SGIP1: variants seen among roughly 807,000 people sequenced by gnomAD.
The protein encoded by SGIP1 is SH3GL interacting endocytic adaptor 1.
SGIP1 carries 38 observed loss-of-function variants against 107.5 expected under a neutral mutation model. The ratio of observed to expected loss-of-function variants is 0.35; its 90% CI spans 0.27 to 0.46. The LOEUF (loss-of-function observed/expected upper bound fraction) is 0.46, where lower values mean the gene tolerates loss of function less well. Ranked by LOEUF, SGIP1 falls within the 20% of genes least tolerant of loss-of-function variation. The pLI, the probability that SGIP1 is intolerant of heterozygous loss-of-function variation, is 1.00. For synonymous variants in SGIP1, 365 were observed against 366.1 expected (o/e 1.00, Z 0.03); for missense variants, 929 against 1,019.5 (o/e 0.91, Z 1.21).
At chr1:66,677,398 C>A (rs772598751) in intron 13 of SGIP1, among the ~76,000 whole-genome samples, 1 of 152,162 alleles carries the variant, frequency 6.6e-6, no homozygotes, top group Admixed American at 6.5e-5. Flanking sequence ...AGCAAGGGAG[C>A]TAAAGAAACT....
chr1:66,724,445 T>C (rs1199273395), intron 19 of SGIP1, among the ~76,000 whole-genome samples: 1 of 152,184 alleles, frequency 6.6e-6, no homozygotes. Context: ...ATTAAATTTT[T>C]ATATAGAAAA....
intron 18 of SGIP1, among the ~76,000 whole-genome samples, chr1:66,717,604 G>C (rs534049598): frequency 6.6e-6 from 1 of 152,064 alleles, no homozygotes; most frequent in Non-Finnish European, 1.5e-5. Flanking sequence ...CACTGTAATT[G>C]CCCACTTGGT....
chr1:66,742,962 T>C, intron 24 of SGIP1, 111 bp from the exon 25 acceptor site: 1 of 1,020,178 alleles, frequency 9.8e-7, no homozygotes, highest in Non-Finnish European at 1.5e-6. Flanking sequence ...CTCTGAAGTA[T>C]GCAGTATCTG....
intron 15 of SGIP1, 79 bp from the exon 16 acceptor site, chr1:66,689,069 C>A: frequency 1.4e-6 from 2 of 1,408,098 alleles, no homozygotes; most frequent in South Asian, 1.6e-5. Context: ...AAAAAATGTC[C>A]GGGACTGGCA....
intron 1 of SGIP1, among the ~76,000 whole-genome samples, chr1:66,613,609 C>T (rs189205763): frequency 4.6e-5 from 7 of 152,300 alleles, no homozygotes; most frequent in Admixed American, 1.3e-4. Flanking sequence ...GGATTACAGG[C>T]GTGAGCCACC....
At chr1:66,709,757 A>G (rs571079158) in intron 18 of SGIP1, among the ~76,000 whole-genome samples, 1 of 152,246 alleles carries the variant, frequency 6.6e-6, no homozygotes, top group African/African-American at 2.4e-5. Flanking sequence ...TAAAATGGGG[A>G]TAACAATACA....
chr1:66,545,722 C>T (rs2056238661), intron 1 of SGIP1, among the ~76,000 whole-genome samples: 1 of 151,336 alleles, frequency 6.6e-6, no homozygotes, highest in Non-Finnish European at 1.5e-5. Context: ...AATTGGCTCA[C>T]ATGATTGTGG....
chr1:66,745,536 G>A lies in SGIP1; in HGVS notation c.*2441G>A, dbSNP rs2094540894. 1 of 151,982 alleles carries A rather than the reference G, an allele frequency of 6.6e-6. No individual in the cohort carries two copies. Among genetic ancestry groups the A allele is most frequent in the African/African-American group, 2.4e-5 (1 of 41,414 alleles). The allele number at this position is 151,982 out of a possible 1,614,324, so 9.4% of individuals were successfully genotyped here. On this transcript the variant is annotated 3_prime_UTR_variant, in exon 25 of 25. Transcript: ENST00000371037. ...ACAGTACTGTAGAATAAGAATTCAT[G>A]TCCTGAAAATGGTCCCAGGCAATGA... is the stretch of plus-strand genomic sequence containing the variant.
intron 1 of SGIP1, among the ~76,000 whole-genome samples, chr1:66,614,976 C>T (rs1021836554): frequency 2.0e-5 from 3 of 151,306 alleles, no homozygotes; most frequent in East Asian, 3.9e-4. Flanking sequence ...TGTGCCACCA[C>T]GCCCGGCTAA....
intron 3 of SGIP1, among the ~76,000 whole-genome samples, chr1:66,633,637 T>G (rs1252336559): frequency 2.0e-5 from 3 of 152,220 alleles, no homozygotes; most frequent in African/African-American, 7.2e-5. Context: ...CAGTTAACTC[T>G]GACTCCTTGC....
At chr1:66,690,108 G>T in intron 16 of SGIP1, 82 bp from the exon 17 acceptor site, 1 of 1,519,694 alleles carries the variant, frequency 6.6e-7, no homozygotes, top group African/African-American at 1.4e-5. Context: ...GTCATATCTG[G>T]GGCTGGGAGA....
chr1:66,692,919 T>C (rs1407786846), intron 17 of SGIP1, among the ~76,000 whole-genome samples: 1 of 152,174 alleles, frequency 6.6e-6, no homozygotes, highest in Non-Finnish European at 1.5e-5. Context: ...ACTTTTTGTG[T>C]ATTGTCACAC....
At chr1:66,613,680 C>T (rs145525355) in intron 1 of SGIP1, among the ~76,000 whole-genome samples, 1 of 152,302 alleles carries the variant, frequency 6.6e-6, no homozygotes, top group Non-Finnish European at 1.5e-5. Flanking sequence ...TGATTGGCTC[C>T]TGGCAACCTC....
chr1:66,589,379 T>A (rs2063253126), intron 1 of SGIP1, among the ~76,000 whole-genome samples: 1 of 150,768 alleles, frequency 6.6e-6, no homozygotes, highest in Admixed American at 6.6e-5. Context: ...AAAGAAATTC[T>A]GTTCTTAACC....
intron 18 of SGIP1, among the ~76,000 whole-genome samples, chr1:66,713,127 T>C (rs1277799543): frequency 6.6e-6 from 1 of 152,128 alleles, no homozygotes; most frequent in Non-Finnish European, 1.5e-5. Context: ...TCTGTTTTGA[T>C]TGTTTACTTG....
At chr1:66,559,336 C>T (rs1041817151) in intron 1 of SGIP1, among the ~76,000 whole-genome samples, 2 of 152,018 alleles carry the variant, frequency 1.3e-5, no homozygotes, top group African/African-American at 4.8e-5. Context: ...CCTGTTTTAT[C>T]CTGACTTATG....
chr1:66,675,365 T>A (rs1453980694), intron 12 of SGIP1, among the ~76,000 whole-genome samples: 1 of 152,066 alleles, frequency 6.6e-6, no homozygotes, highest in Non-Finnish European at 1.5e-5. Context: ...GTGGCCTCAG[T>A]TGTTCTTTAG....
chr1:66,675,541 C>CTTTTTTTTTTTTTTT (rs71242802), intron 12 of SGIP1, among the ~76,000 whole-genome samples: 5 of 112,390 alleles, frequency 4.4e-5, no homozygotes, highest in Admixed American at 1.1e-4. Flanking sequence ...CTTTTTCTTT[C>CTTTTTTTTTTTTTTT]TTTTTTTTTT....
intron 20 of SGIP1, among the ~76,000 whole-genome samples, chr1:66,731,286 C>T (rs1399012046): frequency 6.6e-6 from 1 of 152,104 alleles, no homozygotes; most frequent in Non-Finnish European, 1.5e-5. Context: ...TTTCAAGGTT[C>T]CTCCATCTGA....
Sources: allele counts gnomAD v4.1 joint callset (sites outside exome capture counted in the v4.1 genomes callset), GRCh38; gene constraint gnomAD v4.1.1; transcripts MANE v1.5; gene names NCBI Gene and HGNC (gene_info 2026-07-23, HGNC 2026-07-21).